BCLAF3: variants seen among roughly 807,000 people sequenced by gnomAD.
BCLAF3 encodes BCLAF1 and THRAP3 family member 3, also known as transient octamer binding factor 1.
A neutral mutation model predicts 51.2 loss-of-function variants in BCLAF3; 24 were observed. The observed-to-expected ratio is 0.47, with a 90% CI of 0.34 to 0.66. The LOEUF is 0.66. BCLAF3 is among the 30% of genes least tolerant of loss of function. The probability of loss-of-function intolerance (pLI) is 0.01; values close to 1 mark genes in which losing one functional copy is unlikely to be tolerated. For synonymous variants in BCLAF3, 152 were observed against 176.6 expected, an observed-to-expected ratio of 0.86 and a Z score of 1.10; for missense variants, 465 against 525.1, an observed-to-expected ratio of 0.89 and a Z score of 1.12.
intron 10 of BCLAF3, among the ~76,000 whole-genome samples, chrX:19,932,982 T>C (rs1210036538): frequency 8.9e-6 from 1 of 112,435 alleles, no homozygotes; most frequent in African/African-American, 3.2e-5. Context: ...AACAACCCTC[T>C]TTAAACACTA....
At chrX:19,946,851 C>T (rs1392159884) in intron 8 of BCLAF3, among the ~76,000 whole-genome samples, 1 of 111,911 alleles carries the variant, frequency 8.9e-6, no homozygotes, top group Non-Finnish European at 1.9e-5. Flanking sequence ...AATTCACAAC[C>T]CAGCTACATT....
chrX:19,970,480 AG>A (rs1322846534), intron 1 of BCLAF3, among the ~76,000 whole-genome samples, 182 bp from the exon 2 acceptor site: 2 of 111,950 alleles, frequency 1.8e-5, no homozygotes, highest in African/African-American at 6.5e-5. Flanking sequence ...GAATTAAATC[AG>A]GGGTCAGTAA....
chrX:19,917,936 T>C (rs2069987113), intron 11 of BCLAF3: 1 of 111,936 alleles, frequency 8.9e-6, no homozygotes, highest in Non-Finnish European at 1.9e-5. Context: ...TATACTGTGA[T>C]ACTATGCACA....
rs774241505 is a variant in BCLAF3 at position 19,967,485 on chromosome X, T to C, written c.42-836A>G. ...ATCCTTTATGGAACTACCTTCTCCATACCTCAGCATTGCCAACATTGAGGC... is the reference window on the plus strand; with the variant it reads ...ATCCTTTATGGAACTACCTTCTCCACACCTCAGCATTGCCAACATTGAGGC... On this transcript the variant is annotated intron_variant, in intron 2 of 11. Coordinates refer to ENST00000379682, the MANE Select transcript of BCLAF3 (RefSeq NM_001367774.2). Among the ~76,000 whole-genome samples, 12 of 111,906 alleles carry C rather than the reference T, an allele frequency of 1.1e-4. No homozygotes were observed. In the South Asian group the frequency reaches 2.6e-3, roughly 24 times the overall value.
intron 1 of BCLAF3, among the ~76,000 whole-genome samples, chrX:19,979,935 A>G (rs2072557237): frequency 9.1e-6 from 1 of 110,274 alleles, no homozygotes; most frequent in Admixed American, 9.7e-5. Flanking sequence ...GAGAGAGAAT[A>G]GTGGGGAGAG....
rs934121046 is a variant in BCLAF3, at chrX:19,915,389, A to G, written c.*1916T>C. On this transcript the variant is annotated 3_prime_UTR_variant, in exon 12 of 12. Transcript: ENST00000379682. Reference sequence around the variant, plus strand: ...GTCCTTATTTTATACTCTAAATTATAAAGTTGGTTTTTCCTTTTAGGCTTT... The same window carrying G: ...GTCCTTATTTTATACTCTAAATTATGAAGTTGGTTTTTCCTTTTAGGCTTT... 4 of 112,200 alleles carry G rather than the reference A, an allele frequency of 3.6e-5. No homozygotes were observed. The highest frequency in any genetic ancestry group is 1.3e-4 in the African/African-American group (4 of 30,959). 9.2% of individuals were successfully genotyped at this position (112,200 alleles called of 1,213,427 possible).
intron 2 of BCLAF3, among the ~76,000 whole-genome samples, chrX:19,967,651 C>T (rs1261188562): frequency 9.0e-6 from 1 of 111,608 alleles, no homozygotes. Flanking sequence ...ATCTGAGCTG[C>T]CCAATTTCTC....
Position 19,953,009 on chromosome X carries a change from A to G in BCLAF3, c.1608T>C (p.Ala536=). The part of the protein sequence containing the change: ...MSLAELQSKQ[A]VIYESEQTLI... ...TAACCTGTTCCGATTCATAGATCAC[A>G]GCTTGTTTACTCTGAAGCTCGGCCA... The change falls in exon 7 of 12, where the codon GCT becomes GCC. Residue 536 remains alanine, a synonymous_variant. Transcript: ENST00000379682. 8.3e-7 allele frequency: 1 copy of G among 1,208,713 alleles called. No individual in the cohort carries two copies. The highest frequency in any genetic ancestry group is 1.1e-6 in the Non-Finnish European group (1 of 893,326).
At chrX:19,932,162 C>T (rs2070584343) in intron 10 of BCLAF3, among the ~76,000 whole-genome samples, 2 of 112,069 alleles carry the variant, frequency 1.8e-5, no homozygotes, top group South Asian at 7.3e-4. Flanking sequence ...TTATTATCTG[C>T]AAATTTGTTC....
chrX:19,940,378 T>C (rs1480092785), intron 8 of BCLAF3, among the ~76,000 whole-genome samples: 3 of 110,323 alleles, frequency 2.7e-5, no homozygotes, highest in Admixed American at 9.6e-5. Context: ...CTGCACCCAC[T>C]AACTCATCAT....
At chrX:19,975,460 CA>C (rs2072396685) in intron 1 of BCLAF3, among the ~76,000 whole-genome samples, 1 of 109,953 alleles carries the variant, frequency 9.1e-6, no homozygotes, top group East Asian at 2.8e-4. Context: ...TCTCATGCCT[CA>C]GCCTCCCAAG....
intron 8 of BCLAF3, among the ~76,000 whole-genome samples, chrX:19,938,321 C>T (rs1274244541): frequency 9.9e-5 from 11 of 111,460 alleles, no homozygotes; most frequent in African/African-American, 3.6e-4. Context: ...CATCGTGACC[C>T]CCCAAAGCCC....
At chrX:19,965,021 T>A in intron 4 of BCLAF3, 23 bp downstream of exon 4, 1 of 1,085,052 alleles carries the variant, frequency 9.2e-7, no homozygotes, top group Non-Finnish European at 1.2e-6. Flanking sequence ...TTAAATATCA[T>A]AAAGAAAAAA....
intron 8 of BCLAF3, among the ~76,000 whole-genome samples, chrX:19,948,336 C>A (rs1005255000): frequency 8.9e-6 from 1 of 112,183 alleles, no homozygotes; most frequent in Non-Finnish European, 1.9e-5. Flanking sequence ...AAAGAGAATA[C>A]GATATAGCCA....
chrX:19,981,576 C>A (rs1285945184), intron 1 of BCLAF3, among the ~76,000 whole-genome samples: 1 of 111,867 alleles, frequency 8.9e-6, no homozygotes, highest in African/African-American at 3.3e-5. Context: ...TATTCCACTC[C>A]TAGATAGATA....
intron 4 of BCLAF3, among the ~76,000 whole-genome samples, chrX:19,957,425 T>C (rs1284276465): frequency 8.9e-6 from 1 of 112,267 alleles, no homozygotes; most frequent in Admixed American, 9.4e-5. Context: ...AAACATTTTA[T>C]AGTAGGAAAA....
chrX:19,935,630 C>T, intron 10 of BCLAF3, 179 bp downstream of exon 10: 1 of 409,382 alleles, frequency 2.4e-6, no homozygotes, highest in Non-Finnish European at 4.3e-6. Flanking sequence ...AAATCAAGTC[C>T]TAAGGAAAGG....
intron 8 of BCLAF3, among the ~76,000 whole-genome samples, chrX:19,937,979 T>C (rs2070838989): frequency 1.8e-5 from 2 of 111,684 alleles, no homozygotes; most frequent in Non-Finnish European, 3.8e-5. Flanking sequence ...GCAAGGTGTA[T>C]GACTGGCTCA....
chrX:19,966,116 G>T lies in BCLAF3; in HGVS notation c.575C>A (p.Ser192Tyr), dbSNP rs2072043553. 1 of 1,209,412 alleles carries T rather than the reference G, an allele frequency of 8.3e-7. No homozygotes were observed. The highest frequency in any genetic ancestry group is 1.8e-5 in the South Asian group (1 of 56,666). ...EKYSQSTRRG[S>Y]EDFETRSSFQ... ...TGAGCTCCTTGTCTCAAAGTCTTCA[G>T]AGCCTCTTCTAGTTGACTGGGAGTA... The change falls in exon 3 of 12, where the codon TCT becomes TAT. Residue 192 changes from serine to tyrosine, a missense_variant. Ser to Tyr is a moderately radical substitution (Grantham distance 144). Transcript: ENST00000379682.
Sources: gnomAD v4.1 joint callset for allele counts (sites outside exome capture counted in the v4.1 genomes callset) on GRCh38, gnomAD v4.1.1 for gene constraint, MANE v1.5 for transcripts, NCBI Gene and HGNC (gene_info 2026-07-23, HGNC 2026-07-21) for gene names.